GPM6A: variants seen among roughly 807,000 people sequenced by gnomAD.
GPM6A encodes glycoprotein M6A, also known as neuronal membrane glycoprotein M6-a.
In GPM6A, 7 loss-of-function variants were observed where a neutral mutation model predicts 32.1. That is an observed-to-expected ratio of 0.22 (90% CI 0.12 to 0.41). The LOEUF is 0.41. GPM6A is among the 10% of genes least tolerant of loss of function. GPM6A has a pLI of 1.00. For synonymous variants in GPM6A, 130 were observed against 123.4 expected, an observed-to-expected ratio of 1.05 and a Z score of -0.35; for missense variants, 235 against 347.2, an observed-to-expected ratio of 0.68 and a Z score of 2.57.
At chr4:175,924,502 A>G (rs1042499506) in intron 1 of GPM6A, among the ~76,000 whole-genome samples, 1 of 152,134 alleles carries the variant, frequency 6.6e-6, no homozygotes, top group Non-Finnish European at 1.5e-5. Context: ...TATGAAATAT[A>G]TGAGGGAAAT....
At chr4:175,713,295 C>G (rs939762799) in intron 1 of GPM6A, among the ~76,000 whole-genome samples, 3 of 152,088 alleles carry the variant, frequency 2.0e-5, no homozygotes, top group African/African-American at 7.2e-5. Context: ...CTCTGCCTCC[C>G]GATTTCAAGC....
chr4:175,836,142 C>A (rs1460373105), intron 1 of GPM6A, among the ~76,000 whole-genome samples: 1 of 152,114 alleles, frequency 6.6e-6, no homozygotes, highest in African/African-American at 2.4e-5. Flanking sequence ...ACCTCTCTAC[C>A]CAATTATGCT....
intron 1 of GPM6A, among the ~76,000 whole-genome samples, chr4:175,792,385 T>C (rs1214479290): frequency 2.0e-5 from 3 of 152,108 alleles, no homozygotes; most frequent in Non-Finnish European, 2.9e-5. Flanking sequence ...CCAAGTACTT[T>C]TAAAAGTAAA....
At chr4:175,691,610 T>C (rs1364528148) in intron 2 of GPM6A, among the ~76,000 whole-genome samples, 3 of 152,220 alleles carry the variant, frequency 2.0e-5, no homozygotes, top group African/African-American at 7.2e-5. Context: ...GTTTAGGATA[T>C]GACACATTCT....
intron 1 of GPM6A, among the ~76,000 whole-genome samples, chr4:175,887,474 A>T (rs978633445): frequency 2.6e-5 from 4 of 151,966 alleles, no homozygotes; most frequent in Non-Finnish European, 5.9e-5. Context: ...AAAACATTCA[A>T]ACAAATTCAC....
rs1214790843 is a variant in GPM6A, at chr4:175,728,053, A to G, written c.38-26286T>C. The stretch of plus-strand genomic sequence containing the variant: ...ACCGGTTTTTCTAGAAAATATCCTT[A>G]ACAATTTCAGATCATCTCACTTCTT... On this transcript the variant is annotated intron_variant, in intron 1 of 6. Transcript: ENST00000393658. Among the ~76,000 whole-genome samples the G allele has an allele frequency of 2.6e-5, 4 of 152,054 alleles. No homozygotes were observed. The East Asian group carries it at 5.8e-4, about 22-fold the overall frequency.
chr4:175,842,000 T>C (rs1343821498), intron 1 of GPM6A, among the ~76,000 whole-genome samples: 2 of 152,100 alleles, frequency 1.3e-5, no homozygotes, highest in African/African-American at 4.8e-5. Flanking sequence ...CCAAAATAAT[T>C]TTTTCATTTA....
chr4:175,733,238 T>A (rs1317338152), intron 1 of GPM6A, among the ~76,000 whole-genome samples: 6 of 152,204 alleles, frequency 3.9e-5, no homozygotes, highest in Admixed American at 3.9e-4. Flanking sequence ...GTGCAGTGGC[T>A]CACGCCTGTA....
At chr4:175,808,096 T>C (rs1734770674) in intron 1 of GPM6A, among the ~76,000 whole-genome samples, 1 of 152,148 alleles carries the variant, frequency 6.6e-6, no homozygotes, top group Non-Finnish European at 1.5e-5. Flanking sequence ...TTTTTTTCGT[T>C]GATTATAGTG....
chr4:175,879,986 C>T (rs1737217178), intron 1 of GPM6A, among the ~76,000 whole-genome samples: 2 of 151,862 alleles, frequency 1.3e-5, no homozygotes, highest in African/African-American at 4.9e-5. Context: ...AGTGGTATTG[C>T]TTAGGTTTTC....
At chr4:175,926,682 G>A (rs1021130757) in intron 1 of GPM6A, among the ~76,000 whole-genome samples, 6 of 152,106 alleles carry the variant, frequency 3.9e-5, no homozygotes, top group African/African-American at 1.4e-4. Context: ...TTTACAATAT[G>A]AAAATATTAG....
intron 1 of GPM6A, among the ~76,000 whole-genome samples, chr4:175,789,067 G>A (rs1363330336): frequency 6.6e-6 from 1 of 152,154 alleles, no homozygotes; most frequent in East Asian, 1.9e-4. Context: ...AAAAGAGTCT[G>A]CATTTGAATG....
chr4:175,866,914 T>C (rs926329328), intron 1 of GPM6A, among the ~76,000 whole-genome samples: 2 of 152,218 alleles, frequency 1.3e-5, no homozygotes, highest in African/African-American at 4.8e-5. Flanking sequence ...GCTCCATATC[T>C]TCATCTGCAT....
At chr4:175,664,152 A>C (rs1742601087) in intron 3 of GPM6A, among the ~76,000 whole-genome samples, 2 of 152,176 alleles carry the variant, frequency 1.3e-5, no homozygotes, top group South Asian at 4.1e-4. Context: ...AACTGTGGAG[A>C]CAGTAAAAGA....
chr4:175,868,982 T>C (rs1169177471), intron 1 of GPM6A, among the ~76,000 whole-genome samples: 2 of 152,224 alleles, frequency 1.3e-5, no homozygotes, highest in Non-Finnish European at 2.9e-5. Context: ...AATTCCTAGG[T>C]ACCTTTCAGT....
At chr4:175,953,991 T>C (rs1739902646) in intron 1 of GPM6A, among the ~76,000 whole-genome samples, 1 of 152,190 alleles carries the variant, frequency 6.6e-6, no homozygotes, top group South Asian at 2.1e-4. Context: ...CATCTTTTTT[T>C]TACAGTCCTG....
At chr4:175,900,977 T>C (rs571532494) in intron 1 of GPM6A, among the ~76,000 whole-genome samples, 1 of 152,178 alleles carries the variant, frequency 6.6e-6, no homozygotes, top group Non-Finnish European at 1.5e-5. Flanking sequence ...TGCAACAGCA[T>C]GGATAGAGCT....
At chr4:175,763,335 A>G (rs1310345521) in intron 1 of GPM6A, among the ~76,000 whole-genome samples, 1 of 152,116 alleles carries the variant, frequency 6.6e-6, no homozygotes, top group Non-Finnish European at 1.5e-5. Flanking sequence ...TTAAAAGCCA[A>G]TCTTTCCCTT....
intron 1 of GPM6A, among the ~76,000 whole-genome samples, chr4:175,856,028 A>G (rs1374136236): frequency 6.6e-6 from 1 of 152,204 alleles, no homozygotes; most frequent in Non-Finnish European, 1.5e-5. Flanking sequence ...GACTGGGATG[A>G]GATATAAACA....
Sources: gnomAD v4.1 joint callset for allele counts (sites outside exome capture counted in the v4.1 genomes callset) on GRCh38, gnomAD v4.1.1 for gene constraint, MANE v1.5 for transcripts, NCBI Gene and HGNC (gene_info 2026-07-23, HGNC 2026-07-21) for gene names.